The following POT1 variants were observed in gnomAD, a reference collection of about 807,000 sequenced individuals.
POT1 encodes protection of telomeres 1.
In POT1, 47 loss-of-function variants were observed where a neutral mutation model predicts 78.5. That is an observed-to-expected ratio of 0.60 (90% CI 0.47 to 0.76). The LOEUF (loss-of-function observed/expected upper bound fraction) is 0.76. Ranked by LOEUF, POT1 falls within the 30% of genes least tolerant of loss-of-function variation. POT1 has a pLI of 0.00. For synonymous variants in POT1, 259 were observed against 260.7 expected (o/e 0.99, Z 0.06); for missense variants, 646 against 749.9 (o/e 0.86, Z 1.62).
Position 124,829,259 on chromosome 7 carries a change from G to A in POT1, c.1589C>T (p.Ala530Val). The A allele has an allele frequency of 6.3e-7, 1 of 1,592,974 alleles. No individual in the cohort carries two copies. Among genetic ancestry groups the A allele is most frequent in the Non-Finnish European group, 8.6e-7 (1 of 1,161,656 alleles). Reference sequence around the variant, plus strand: ...GGCATGGAAATTTAGCTAACCTTCTGCCACAGAAGAAGGAATCCACGATGT... The same window carrying A: ...GGCATGGAAATTTAGCTAACCTTCTACCACAGAAGAAGGAATCCACGATGT... ...DKTSWIPSSV[A>V]EALGIVPLQY... is the part of the protein sequence containing the mutation. The change falls in exon 16 of 19, where the codon GCA (alanine) becomes GTA (valine). Residue 530 changes from alanine (A) to valine (V), a missense_variant. Physicochemically the swap from Ala to Val is moderately conservative, Grantham distance 64. Around this residue, in one of 2 missense-constraint regions of POT1, gnomAD observed 394 missense variants for 408.4 expected, o/e 0.96. Transcript: ENST00000357628.
At chr7:124,858,324 C>A (rs563431412) in intron 9 of POT1, among the ~76,000 whole-genome samples, 111 of 152,240 alleles carry the variant, frequency 7.3e-4, no homozygotes, top group Middle Eastern at 3.4e-3. Context: ...TCATACCATT[C>A]TTTACTACAA....
intron 3 of POT1, among the ~76,000 whole-genome samples, chr7:124,906,073 A>G (rs999175175): frequency 1.3e-5 from 2 of 152,188 alleles, no homozygotes; most frequent in Admixed American, 6.5e-5. Flanking sequence ...TGGGGAAGAC[A>G]CTGTCGCGAT....
chr7:124,864,996 T>C lies in POT1; in HGVS notation c.256-1356A>G, dbSNP rs183039312. Among the ~76,000 whole-genome samples, 17 of 152,340 alleles carry C rather than the reference T, an allele frequency of 1.1e-4. No homozygotes were observed. The East Asian group carries it at 3.3e-3, about 29-fold the overall frequency. ...TTCTTTAGCATTAATGCTATGCAGA[T>C]ATGCTGCCATGGACTATCTCATTTT... On this transcript the variant is annotated intron_variant, in intron 7 of 18. Coordinates refer to ENST00000357628, the MANE Select transcript of POT1 (RefSeq NM_015450.3).
chr7:124,927,432 T>TA (rs1173666406), intron 2 of POT1, among the ~76,000 whole-genome samples: 10 of 152,174 alleles, frequency 6.6e-5, no homozygotes, highest in South Asian at 6.2e-4. Flanking sequence ...GAATAATACT[T>TA]AGAGTTCTTA....
At position 124,867,205 on chromosome 7, in the gene POT1, G is replaced by A. The variant is rs148802388; in HGVS notation, c.256-3565C>T. Among the ~76,000 whole-genome samples the A allele has an allele frequency of 4.5e-3, 690 of 152,162 alleles. 1 individual carries two copies. The highest frequency in any genetic ancestry group is 6.8e-3 in the Non-Finnish European group (463 of 68,012). On this transcript the variant is annotated intron_variant, in intron 7 of 18. Transcript: ENST00000357628. ...ATTTCCACCACCACTGTAGTCTAAC[G>A]CATCCTCATTTCATGTCTGTAAAAC...
chr7:124,856,872 A>T (rs1268867992), intron 9 of POT1, among the ~76,000 whole-genome samples: 2 of 152,222 alleles, frequency 1.3e-5, no homozygotes, highest in Non-Finnish European at 2.9e-5. Context: ...AATATCTTTC[A>T]GGGAAATAAT....
Position 124,822,841 on chromosome 7 carries a change from A to T in POT1, c.*1121T>A, listed in dbSNP as rs1794538072. 3 of 173,914 alleles carry T rather than the reference A, an allele frequency of 1.7e-5. No individual in the cohort carries two copies. The highest frequency in any genetic ancestry group is 3.8e-5 in the Non-Finnish European group (3 of 78,878). The allele number at this position is 173,914 out of a possible 1,614,324, so 10.8% of individuals were successfully genotyped here. Reference sequence around the variant, plus strand: ...AGTCAGTTATCCAATCTTTTTGACAATAAGATGTTAAAAGTATTTTGAAAC... The same window carrying T: ...AGTCAGTTATCCAATCTTTTTGACATTAAGATGTTAAAAGTATTTTGAAAC... On this transcript the variant is annotated 3_prime_UTR_variant, in exon 19 of 19. Coordinates refer to ENST00000357628, the MANE Select transcript of POT1 (RefSeq NM_015450.3).
chr7:124,920,381 C>T (rs1169313266), intron 2 of POT1, among the ~76,000 whole-genome samples: 5 of 152,010 alleles, frequency 3.3e-5, no homozygotes, highest in Non-Finnish European at 5.9e-5. Context: ...AACAAAAAAA[C>T]AGTGTCAGGA....
At chr7:124,843,336 A>G (rs978710088) in intron 12 of POT1, 3 of 156,084 alleles carry the variant, frequency 1.9e-5, no homozygotes, top group African/African-American at 7.2e-5. Flanking sequence ...ACACACTTGT[A>G]AAATATTATT....
At chr7:124,853,897 T>A (rs1372688895) in intron 9 of POT1, among the ~76,000 whole-genome samples, 1 of 152,036 alleles carries the variant, frequency 6.6e-6, no homozygotes, top group Non-Finnish European at 1.5e-5. Flanking sequence ...GACACCTACC[T>A]AAAAGAAGCT....
At chr7:124,863,747 T>C (rs1294683113) in intron 7 of POT1, 107 bp from the exon 8 acceptor site, 2 of 881,212 alleles carry the variant, frequency 2.3e-6, no homozygotes, top group South Asian at 1.7e-5. Context: ...GCCAGCATAA[T>C]TAAGAGAGGG....
At chr7:124,863,076 C>T (rs1795636187) in intron 8 of POT1, among the ~76,000 whole-genome samples, 1 of 152,064 alleles carries the variant, frequency 6.6e-6, no homozygotes, top group African/African-American at 2.4e-5. Context: ...AAGTCTACAT[C>T]TTATTACTAC....
chr7:124,868,468 T>C (rs1471789531), intron 7 of POT1, among the ~76,000 whole-genome samples: 2 of 152,124 alleles, frequency 1.3e-5, no homozygotes, highest in African/African-American at 4.8e-5. Context: ...TCCTCTATCA[T>C]AGTAGCCTTT....
chr7:124,924,420 T>C (rs1349823139), intron 2 of POT1, among the ~76,000 whole-genome samples: 1 of 151,864 alleles, frequency 6.6e-6, no homozygotes, highest in Non-Finnish European at 1.5e-5. Context: ...CTCCCAAGAC[T>C]GACCCAGGAA....
rs908281213 is a variant in POT1, at chr7:124,829,526, T to C, written c.1506-184A>G. 1.8e-4 allele frequency among the ~76,000 whole-genome samples: 28 copies of C among 152,170 alleles called. 1 individual carries two copies. The highest frequency in any genetic ancestry group is 4.8e-4 in the African/African-American group (20 of 41,538). ...GAGAATTATGAAAGAGTAAGCTTATTACATAAGGGCAATAAAAAAGACAGT... is the reference window on the plus strand; with the variant it reads ...GAGAATTATGAAAGAGTAAGCTTATCACATAAGGGCAATAAAAAAGACAGT... On this transcript the variant is annotated intron_variant, in intron 15 of 18. Coordinates refer to ENST00000357628, the MANE Select transcript of POT1 (RefSeq NM_015450.3).
chr7:124,872,781 G>A (rs1337490722), intron 6 of POT1, among the ~76,000 whole-genome samples: 2 of 152,112 alleles, frequency 1.3e-5, no homozygotes, highest in Non-Finnish European at 2.9e-5. Flanking sequence ...CTAATTTTTG[G>A]AAGAACATTT....
intron 15 of POT1, 67 bp from the exon 16 acceptor site, chr7:124,829,409 T>G: frequency 1.0e-6 from 1 of 996,762 alleles, no homozygotes. Flanking sequence ...TATAACTTTT[T>G]ACTGCTCAAA....
chr7:124,874,786 A>T (rs1795950846), intron 6 of POT1, among the ~76,000 whole-genome samples: 1 of 151,014 alleles, frequency 6.6e-6, no homozygotes, highest in Non-Finnish European at 1.5e-5. Context: ...GACAAAGGAG[A>T]GAAGGGAATG....
At position 124,919,360 on chromosome 7, in the gene POT1, T is replaced by C. The variant is rs1428436518; in HGVS notation, c.-226-3714A>G. ...CTGTATTCTAGAAATCCTGTTTGCT[T>C]TTAGGACAAAAATGAATTAGTATAG... On this transcript the variant is annotated intron_variant, in intron 2 of 18. Coordinates refer to ENST00000357628, the MANE Select transcript of POT1 (RefSeq NM_015450.3). Among the ~76,000 whole-genome samples, 5 of 152,188 alleles carry C rather than the reference T, an allele frequency of 3.3e-5. No individual in the cohort carries two copies. In the East Asian group the frequency reaches 9.7e-4, roughly 29 times the overall value.
Sources: allele counts gnomAD v4.1 joint callset (sites outside exome capture counted in the v4.1 genomes callset), GRCh38; gene constraint gnomAD v4.1.1; regional missense constraint gnomAD v4.1.1; transcripts MANE v1.5; gene names NCBI Gene and HGNC (gene_info 2026-07-23, HGNC 2026-07-21).